The following RYR2 variants were observed in gnomAD, a reference collection of about 807,000 sequenced individuals.
RYR2 encodes cardiac muscle ryanodine receptor-calcium release channel.
In RYR2, 227 loss-of-function variants were observed where a neutral mutation model predicts 601.1. The ratio of observed to expected loss-of-function variants is 0.38; its 90% CI spans 0.34 to 0.42. RYR2 has a LOEUF of 0.42. Among genes scored for constraint, RYR2 ranks in the 10% least tolerant of loss-of-function variants. The probability of loss-of-function intolerance (pLI) is 1.00; values close to 1 mark genes in which losing one functional copy is unlikely to be tolerated. For synonymous variants in RYR2, 2,223 were observed against 2,175.1 expected, an observed-to-expected ratio of 1.02 and a Z score of -0.61; for missense variants, 4,646 against 6,156.5, an observed-to-expected ratio of 0.75 and a Z score of 8.21.
intron 10 of RYR2, among the ~76,000 whole-genome samples, chr1:237,389,224 A>T (rs1702180610): frequency 6.6e-6 from 1 of 152,222 alleles, no homozygotes; most frequent in Admixed American, 6.5e-5. Context: ...TGGATAAGGA[A>T]TTAGTTTCAA....
At chr1:237,461,721 A>G (rs1659501505) in intron 16 of RYR2, among the ~76,000 whole-genome samples, 1 of 151,772 alleles carries the variant, frequency 6.6e-6, no homozygotes, top group Non-Finnish European at 1.5e-5. Flanking sequence ...TACTAATTAC[A>G]GTTGAGTAAA....
At chr1:237,121,406 C>T (rs546112882) in intron 1 of RYR2, among the ~76,000 whole-genome samples, 1 of 152,288 alleles carries the variant, frequency 6.6e-6, no homozygotes, top group African/African-American at 2.4e-5. Flanking sequence ...CTCCTTTTAC[C>T]TCCTGTTTTC....
intron 80 of RYR2, among the ~76,000 whole-genome samples, chr1:237,753,541 C>T (rs775875170): frequency 6.6e-6 from 1 of 152,194 alleles, no homozygotes; most frequent in African/African-American, 2.4e-5. Flanking sequence ...GGAAAAACCT[C>T]CTAACAAGCT....
intron 3 of RYR2, among the ~76,000 whole-genome samples, chr1:237,351,380 G>T (rs184861260): frequency 6.6e-6 from 1 of 152,024 alleles, no homozygotes; most frequent in African/African-American, 2.4e-5. Context: ...TTATGAAGTA[G>T]AAAGAAATAT....
intron 70 of RYR2, among the ~76,000 whole-genome samples, chr1:237,711,381 A>G (rs915031960): frequency 6.6e-6 from 1 of 152,222 alleles, no homozygotes; most frequent in African/African-American, 2.4e-5. Context: ...AAGTTACGTC[A>G]TAGTTCTATG....
At chr1:237,077,643 A>G (rs1366192204) in intron 1 of RYR2, among the ~76,000 whole-genome samples, 1 of 134,782 alleles carries the variant, frequency 7.4e-6, no homozygotes, top group Non-Finnish European at 1.6e-5. Context: ...TGAGTGACCT[A>G]CAAAGAGACT....
Position 237,053,615 on chromosome 1 carries a change from C to G in RYR2, c.48+11046C>G, listed in dbSNP as rs1661562601. Among the ~76,000 whole-genome samples the G allele has an allele frequency of 3.3e-5, 5 of 152,352 alleles. No homozygotes were observed. In the South Asian group the frequency reaches 1.0e-3, roughly 32 times the overall value. ...CGCCAGCGCCCGGTCTCTTCTCCTT[C>G]ATTCTGAAATGTTCGTGGACTGCCT... is the stretch of plus-strand genomic sequence containing the variant. On this transcript the variant is annotated intron_variant, in intron 1 of 104. Coordinates refer to ENST00000366574, the MANE Select transcript of RYR2 (RefSeq NM_001035.3).
intron 22 of RYR2, among the ~76,000 whole-genome samples, chr1:237,505,299 C>T (rs971833086): frequency 3.9e-5 from 6 of 152,228 alleles, no homozygotes; most frequent in East Asian, 1.9e-4. Context: ...AATTCAATAT[C>T]GACTTATATT....
chr1:237,550,403 C>T (rs1670267849), intron 26 of RYR2, 141 bp from the exon 27 acceptor site: 1 of 863,192 alleles, frequency 1.2e-6, no homozygotes, highest in South Asian at 1.8e-5. Context: ...GTTTTGGTAA[C>T]TTTGCAGCCT....
chr1:237,470,910 A>AAG (rs921177175), intron 17 of RYR2, among the ~76,000 whole-genome samples: 16 of 150,550 alleles, frequency 1.1e-4, no homozygotes, highest in South Asian at 4.2e-4. Context: ...AGAGAGAGGA[A>AAG]AGAGAGAGAG....
At chr1:237,226,354 T>G (rs1684366276) in intron 1 of RYR2, among the ~76,000 whole-genome samples, 1 of 152,164 alleles carries the variant, frequency 6.6e-6, no homozygotes, top group South Asian at 2.1e-4. Flanking sequence ...AGTGCTTTTC[T>G]CCCCCTTAAC....
intron 1 of RYR2, among the ~76,000 whole-genome samples, chr1:237,101,485 T>G: frequency 6.6e-6 from 1 of 152,164 alleles, no homozygotes; most frequent in East Asian, 1.9e-4. Context: ...TTAAATAATA[T>G]TTATTGAGCA....
chr1:237,585,644 A>G (rs1013110578), intron 29 of RYR2, among the ~76,000 whole-genome samples: 1 of 152,208 alleles, frequency 6.6e-6, no homozygotes, highest in Non-Finnish European at 1.5e-5. Context: ...TTGTTTTGTT[A>G]TAATAGATTA....
At chr1:237,275,078 A>G (rs1434565525) in intron 2 of RYR2, among the ~76,000 whole-genome samples, 1 of 151,366 alleles carries the variant, frequency 6.6e-6, no homozygotes, top group Non-Finnish European at 1.5e-5. Flanking sequence ...GGTGATGCAC[A>G]CACACACATA....
chr1:237,044,958 T>TC (rs201872185), intron 1 of RYR2, among the ~76,000 whole-genome samples: 45 of 70,078 alleles, frequency 6.4e-4, no homozygotes, highest in East Asian at 2.5e-3. Flanking sequence ...TTCTTCTTCT[T>TC]TTTTTTTTTT....
intron 1 of RYR2, among the ~76,000 whole-genome samples, chr1:237,258,759 AAC>A (rs1688236309): frequency 6.6e-6 from 1 of 152,228 alleles, no homozygotes; most frequent in African/African-American, 2.4e-5. Flanking sequence ...GTTGGTTGAC[AAC>A]AGACTGTGAC....
chr1:237,481,107 C>CAT (rs376529507), intron 17 of RYR2, among the ~76,000 whole-genome samples: 2,700 of 143,014 alleles, frequency 0.019, 32 homozygotes, highest in South Asian at 0.042. Flanking sequence ...TGTATATATA[C>CAT]ATATATATAT....
At position 237,591,802 on chromosome 1, in the gene RYR2, T is replaced by C. The variant is rs1265244815; in HGVS notation, c.4224T>C (p.Asp1408=). The part of the protein sequence containing the change: ...STSHSARLTE[D]VLADDRDDYD... ...GCCATTCTGCAAGACTCACCGAAGA[T>C]GTCCTTGCTGATGATCGGGATGACT... Residue 1408 remains aspartate, a synonymous_variant, in exon 32 of 105, where the codon GAT becomes GAC. Transcript: ENST00000366574. 5 of 1,613,804 alleles carry C rather than the reference T, an allele frequency of 3.1e-6. No homozygotes were observed. Among genetic ancestry groups the C allele is most frequent in the South Asian group, 1.1e-5 (1 of 91,016 alleles).
At chr1:237,162,931 G>A (rs909267688) in intron 1 of RYR2, among the ~76,000 whole-genome samples, 8 of 152,114 alleles carry the variant, frequency 5.3e-5, no homozygotes, top group Admixed American at 2.6e-4. Flanking sequence ...CTCTCCAAGG[G>A]AAAGAGGCTT....
Sources: gnomAD v4.1 joint callset for allele counts (sites outside exome capture counted in the v4.1 genomes callset) on GRCh38, gnomAD v4.1.1 for gene constraint, MANE v1.5 for transcripts, NCBI Gene and HGNC (gene_info 2026-07-23, HGNC 2026-07-21) for gene names.